The following GAK variants were observed in gnomAD, a reference collection of about 807,000 sequenced individuals.
The protein encoded by GAK is cyclin-G-associated kinase.
In GAK, 79 loss-of-function variants were observed where a neutral mutation model predicts 143.9. That is an observed-to-expected ratio of 0.55 (90% CI 0.46 to 0.66). The LOEUF (loss-of-function observed/expected upper bound fraction) is 0.66, where lower values mean the gene tolerates loss of function less well. Ranked by LOEUF, GAK falls within the 30% of genes least tolerant of loss-of-function variation. The pLI is 0.00. For synonymous variants in GAK, 881 were observed against 765.5 expected, an observed-to-expected ratio of 1.15 and a Z score of -2.49; for missense variants, 1,693 against 1,779.7, an observed-to-expected ratio of 0.95 and a Z score of 0.88.
intron 1 of GAK, among the ~76,000 whole-genome samples, chr4:930,446 T>C (rs1725472356): frequency 6.6e-6 from 1 of 151,254 alleles, no homozygotes; most frequent in Non-Finnish European, 1.5e-5. Context: ...TATACGAATC[T>C]TCCTCTCCGG....
intron 26 of GAK, 116 bp downstream of exon 26, chr4:850,820 C>T: frequency 8.5e-7 from 1 of 1,173,752 alleles, no homozygotes; most frequent in South Asian, 1.5e-5. Context: ...ACAGCAGATG[C>T]TCCAGGGGTG....
intron 1 of GAK, chr4:915,765 G>A (rs758957741): frequency 1.3e-5 from 2 of 152,202 alleles, no homozygotes; most frequent in Non-Finnish European, 2.9e-5. Context: ...ACTGCATTTC[G>A]TGGTGCAATG....
intron 26 of GAK, 51 bp downstream of exon 26, chr4:850,885 G>T (rs748275740): frequency 6.3e-7 from 1 of 1,584,020 alleles, no homozygotes; most frequent in Admixed American, 1.8e-5. Context: ...TGCTCCAGGG[G>T]CCATGGGTTG....
At chr4:883,549 C>A in intron 12 of GAK, 86 bp from the exon 13 acceptor site, 2 of 1,498,372 alleles carry the variant, frequency 1.3e-6, no homozygotes, top group South Asian at 1.2e-5. Context: ...TCCTGACGCC[C>A]CCGGGCAAGC....
chr4:883,068 C>T (rs1324820857), intron 13 of GAK, among the ~76,000 whole-genome samples: 3 of 152,222 alleles, frequency 2.0e-5, no homozygotes, highest in Non-Finnish European at 2.9e-5. Context: ...ATGCCTCGGC[C>T]TCGAGCACCC....
intron 20 of GAK, 67 bp from the exon 21 acceptor site, chr4:867,499 C>T (rs950638152): frequency 1.2e-5 from 15 of 1,207,246 alleles, no homozygotes; most frequent in East Asian, 2.6e-5. Context: ...CCCCACGGCG[C>T]GTCCCTTCAG....
chr4:901,095 G>C (rs1221548843), intron 5 of GAK, among the ~76,000 whole-genome samples: 1 of 152,248 alleles, frequency 6.6e-6, no homozygotes, highest in Non-Finnish European at 1.5e-5. Context: ...TATAAAGTAG[G>C]AGTGTACAGC....
chr4:905,899 G>A (rs562008194), intron 4 of GAK, among the ~76,000 whole-genome samples: 7 of 152,380 alleles, frequency 4.6e-5, no homozygotes, highest in East Asian at 1.9e-4. Context: ...CCTCAGCCCC[G>A]TGTGTGGGAC....
chr4:877,359 A>C (rs926899865), intron 16 of GAK, 152 bp from the exon 17 acceptor site: 2 of 675,958 alleles, frequency 3.0e-6, no homozygotes. Flanking sequence ...CAAGAATTCT[A>C]AAGTCTCCTG....
chr4:861,733 T>C (rs978380055), intron 23 of GAK, among the ~76,000 whole-genome samples: 21 of 152,210 alleles, frequency 1.4e-4, no homozygotes, highest in African/African-American at 4.6e-4. Flanking sequence ...ACCAGCCCTA[T>C]TGCTGATACA....
At chr4:925,477 G>A (rs1000150759) in intron 1 of GAK, among the ~76,000 whole-genome samples, 8 of 152,146 alleles carry the variant, frequency 5.3e-5, no homozygotes, top group Admixed American at 1.3e-4. Context: ...TAATCAACTC[G>A]GCCTCTTTTA....
chr4:867,367 C>T lies in GAK; in HGVS notation c.2461G>A (p.Glu821Lys). Reference protein sequence around the residue: ...SSKESESALMEDRDESEVSDE... With the variant: ...SSKESESALMKDRDESEVSDE... ...GACACCTCACTCTCGTCTCTGTCCT[C>T]CATCAGGGCAGACTCGCTCTCCTTG... Residue 821 changes from glutamate (E) to lysine (K), a missense_variant, in exon 21 of 28, where the codon GAG (glutamate) becomes AAG (lysine). Glu to Lys is a moderately conservative substitution (Grantham distance 56, BLOSUM62 1). This residue lies in a region of GAK where 822 missense variants were observed against 788.7 expected (regional missense o/e 1.04). Transcript: ENST00000314167. The T allele has an allele frequency of 5.0e-6, 8 of 1,595,866 alleles. No individual in the cohort carries two copies. The highest frequency in any genetic ancestry group is 6.8e-6 in the Non-Finnish European group (8 of 1,168,428).
chr4:881,389 G>A (rs911508673), intron 15 of GAK, among the ~76,000 whole-genome samples: 7 of 152,198 alleles, frequency 4.6e-5, no homozygotes, highest in Non-Finnish European at 7.3e-5. Context: ...CTGCAGCCCC[G>A]AGAAACAGGG....
chr4:908,294 T>C (rs1721438861), intron 4 of GAK, among the ~76,000 whole-genome samples: 1 of 151,942 alleles, frequency 6.6e-6, no homozygotes, highest in African/African-American at 2.4e-5. Flanking sequence ...CCCGCAGGCC[T>C]CAAACAGAAG....
At position 882,045 on chromosome 4, in the gene GAK, G is replaced by A. The variant is rs1577144097; in HGVS notation, c.1528-5C>T. On this transcript the variant is annotated splice_polypyrimidine_tract_variant and splice_region_variant and intron_variant, in intron 14 of 27. Coordinates refer to ENST00000314167, the MANE Select transcript of GAK (RefSeq NM_005255.4). ...AGCAGACGCGGCTCTCCCGTCCTAG[G>A]ACAGACAGACACGTCTCGCGTGCGC... is the stretch of plus-strand genomic sequence containing the variant. 2.5e-6 allele frequency: 4 copies of A among 1,599,112 alleles called. No individual in the cohort carries two copies. Among genetic ancestry groups the A allele is most frequent in the East Asian group, 4.5e-5 (2 of 44,278 alleles).
intron 12 of GAK, among the ~76,000 whole-genome samples, 155 bp downstream of exon 12, chr4:883,882 G>A (rs1368497921): frequency 1.3e-5 from 2 of 152,224 alleles, no homozygotes; most frequent in African/African-American, 2.4e-5. Flanking sequence ...AGCACAGGCC[G>A]CCTGCCTGCC....
At chr4:849,833 GACCCCCC>G in intron 27 of GAK, 52 bp downstream of exon 27, 1 of 1,190,152 alleles carries the variant, frequency 8.4e-7, no homozygotes, top group Non-Finnish European at 1.2e-6. Flanking sequence ...GGCGGGGCAG[GACCCCCC>G]CCCCGCCCCG....
At chr4:910,135 G>T (rs927913546) in intron 4 of GAK, among the ~76,000 whole-genome samples, 9 of 152,166 alleles carry the variant, frequency 5.9e-5, no homozygotes, top group Admixed American at 4.6e-4. Context: ...GTCTCACCCA[G>T]CTCCTCCCAG....
At chr4:911,538 G>C (rs1261561295) in intron 4 of GAK, 135 bp downstream of exon 4, 6 of 600,490 alleles carry the variant, frequency 1.0e-5, no homozygotes, top group Admixed American at 2.8e-5. Flanking sequence ...AGAGCTGCCC[G>C]CGCTTCCCGC....
Sources: allele counts gnomAD v4.1 joint callset (sites outside exome capture counted in the v4.1 genomes callset), GRCh38; gene constraint gnomAD v4.1.1; regional missense constraint gnomAD v4.1.1; transcripts MANE v1.5; gene names NCBI Gene and HGNC (gene_info 2026-07-23, HGNC 2026-07-21).